Variants in AGR3 observed in about 807,000 individuals in gnomAD.
The protein encoded by AGR3 is anterior gradient protein 3.
Under a neutral mutation model 24.5 loss-of-function variants are expected in AGR3, and 37 were observed. That is an observed-to-expected ratio of 1.51 (90% CI 1.16 to 1.99). The LOEUF is 1.99. Among genes scored for constraint, AGR3 ranks in the 30% most tolerant of loss-of-function variants. AGR3 has a pLI of 0.00. For synonymous variants in AGR3, 75 were observed against 61.6 expected, an observed-to-expected ratio of 1.22 and a Z score of -1.02; for missense variants, 228 against 191.1, an observed-to-expected ratio of 1.19 and a Z score of -1.14.
At chr7:16,880,108 T>TTTCCTTCC (rs3052034) in intron 1 of AGR3, among the ~76,000 whole-genome samples, 41 of 135,792 alleles carry the variant, frequency 3.0e-4, no homozygotes, top group Admixed American at 5.9e-4. Flanking sequence ...TCCTTCCTTC[T>TTTCCTTCC]TTCCTTCCTT....
chr7:16,871,254 A>C (rs1781858331), intron 3 of AGR3, among the ~76,000 whole-genome samples: 1 of 152,220 alleles, frequency 6.6e-6, no homozygotes, highest in South Asian at 2.1e-4. Flanking sequence ...CATACTCAAA[A>C]GCTTGATTGA....
At chr7:16,876,092 G>T (rs1781982022) in intron 2 of AGR3, among the ~76,000 whole-genome samples, 2 of 152,090 alleles carry the variant, frequency 1.3e-5, no homozygotes, top group East Asian at 3.9e-4. Context: ...AAAGCAGTGG[G>T]AATACAAACA....
downstream of AGR3, among the ~76,000 whole-genome samples, chr7:16,855,888 T>C (rs147361236): frequency 6.4e-4 from 98 of 152,360 alleles, no homozygotes; most frequent in Middle Eastern, 3.4e-3. Flanking sequence ...GAAAACTTTG[T>C]ATACTTATGT....
chr7:16,854,954 C>T (rs1396347730), downstream of AGR3, among the ~76,000 whole-genome samples: 1 of 152,076 alleles, frequency 6.6e-6, no homozygotes, highest in Admixed American at 6.5e-5. Flanking sequence ...GTTAGGGGCC[C>T]ATTCTACTCC....
downstream of AGR3, among the ~76,000 whole-genome samples, chr7:16,857,430 A>T (rs1463523256): frequency 6.6e-6 from 1 of 152,162 alleles, no homozygotes; most frequent in Non-Finnish European, 1.5e-5. Flanking sequence ...TTATTTATTA[A>T]TTCTTAAAAA....
At chr7:16,872,747 C>T (rs1781908764) in intron 3 of AGR3, among the ~76,000 whole-genome samples, 2 of 152,050 alleles carry the variant, frequency 1.3e-5, no homozygotes, top group Non-Finnish European at 1.5e-5. Context: ...ACTCAAACAA[C>T]TCAACAACAA....
chr7:16,860,666 A>T (rs1022986871), intron 6 of AGR3, 83 bp from the exon 7 acceptor site: 2 of 938,286 alleles, frequency 2.1e-6, no homozygotes, highest in African/African-American at 3.3e-5. Context: ...TTATTATTTT[A>T]TATGTGGGGG....
chr7:16,864,092 A>G (rs1194158370), intron 3 of AGR3, among the ~76,000 whole-genome samples: 4 of 152,168 alleles, frequency 2.6e-5, no homozygotes, highest in Non-Finnish European at 4.4e-5. Context: ...TTGATCTTCT[A>G]TTTACTTCAA....
At position 16,871,829 on chromosome 7, in the gene AGR3, A is replaced by C. The variant is rs140713118; in HGVS notation, c.173+1951T>G. Among the ~76,000 whole-genome samples the C allele has an allele frequency of 1.0e-2, 1,518 of 152,230 alleles. 18 individuals are homozygous for C. Among genetic ancestry groups the C allele is most frequent in the African/African-American group, 0.034 (1,430 of 41,528 alleles). On this transcript the variant is annotated intron_variant, in intron 3 of 7. Coordinates refer to ENST00000310398, the MANE Select transcript of AGR3 (RefSeq NM_176813.5). Reference sequence around the variant, plus strand: ...TGTACTCCAGCCTGGTGACAGAGCAAGACTCCATCTCAAAAAAACAACAAG... The same window carrying C: ...TGTACTCCAGCCTGGTGACAGAGCACGACTCCATCTCAAAAAAACAACAAG...
intron 3 of AGR3, chr7:16,864,815 T>C (rs1781722368): frequency 2.2e-6 from 2 of 891,388 alleles, no homozygotes; most frequent in African/African-American, 1.6e-5. Flanking sequence ...ACACCTCTTG[T>C]AGCTATAGAT....
At chr7:16,876,402 A>G (rs1781987309) in intron 2 of AGR3, among the ~76,000 whole-genome samples, 1 of 151,928 alleles carries the variant, frequency 6.6e-6, no homozygotes, top group South Asian at 2.1e-4. Flanking sequence ...AGGAAATTGG[A>G]TTTTTTTTGG....
rs190821312 is a variant in AGR3, at chr7:16,875,455, G to T, written c.110-1612C>A. Among the ~76,000 whole-genome samples, 545 of 151,786 alleles carry T rather than the reference G, an allele frequency of 3.6e-3. 3 individuals are homozygous for T. The highest frequency in any genetic ancestry group is 0.013 in the African/African-American group (532 of 41,390). On this transcript the variant is annotated intron_variant, in intron 2 of 7. Coordinates refer to ENST00000310398, the MANE Select transcript of AGR3 (RefSeq NM_176813.5). The stretch of plus-strand genomic sequence containing the variant: ...TATTATTATTTAATTCATTTTTTAT[G>T]GTCAAATATTATTCCATTGTATGAA...
chr7:16,869,956 T>A (rs1364908712), intron 3 of AGR3, among the ~76,000 whole-genome samples: 1 of 151,994 alleles, frequency 6.6e-6, no homozygotes, highest in African/African-American at 2.4e-5. Context: ...ACTTTAGAAT[T>A]ATCTTTTTAA....
chr7:16,879,205 C>A (rs1235593827), intron 1 of AGR3, among the ~76,000 whole-genome samples: 3 of 152,184 alleles, frequency 2.0e-5, no homozygotes, highest in Non-Finnish European at 4.4e-5. Flanking sequence ...ATCCTTCCAA[C>A]AATTACTCAG....
chr7:16,855,609 C>G (rs75015126), downstream of AGR3, among the ~76,000 whole-genome samples: 4,407 of 152,284 alleles, frequency 0.029, 120 homozygotes, highest in South Asian at 0.11. Context: ...CAGGGACTTT[C>G]TGCTCCCAAG....
intron 3 of AGR3, among the ~76,000 whole-genome samples, chr7:16,868,753 G>T (rs965030646): frequency 6.6e-6 from 1 of 152,092 alleles, no homozygotes. Context: ...TATATAGAAT[G>T]ATTTTTAAAT....
intron 7 of AGR3, 25 bp from the exon 8 acceptor site, chr7:16,859,656 A>G (rs1168717127): frequency 7.2e-7 from 1 of 1,379,592 alleles, no homozygotes; most frequent in South Asian, 1.3e-5. Context: ...AATATATATT[A>G]TGCTATTAAT....
intron 4 of AGR3, 47 bp downstream of exon 4, chr7:16,862,563 A>G (rs764856368): frequency 1.8e-5 from 22 of 1,220,762 alleles, no homozygotes; most frequent in African/African-American, 3.2e-5. Context: ...CCTATTTTAT[A>G]TTGGAAATAT....
At chr7:16,876,165 A>T (rs2115315744) in intron 2 of AGR3, among the ~76,000 whole-genome samples, 3 of 152,316 alleles carry the variant, frequency 2.0e-5, no homozygotes, top group Admixed American at 2.0e-4. Flanking sequence ...GCCATATTGC[A>T]TTATAATGAT....
Sources: gnomAD v4.1 joint callset for allele counts (sites outside exome capture counted in the v4.1 genomes callset) on GRCh38, gnomAD v4.1.1 for gene constraint, MANE v1.5 for transcripts, NCBI Gene and HGNC (gene_info 2026-07-23, HGNC 2026-07-21) for gene names.